The following LRP1B variants were observed in gnomAD, a reference collection of about 807,000 sequenced individuals.
LRP1B encodes low-density lipoprotein receptor-related protein 1B.
A neutral mutation model predicts 556.6 loss-of-function variants in LRP1B; 217 were observed. The observed-to-expected ratio is 0.39, with a 90% CI of 0.35 to 0.44. The LOEUF is 0.44. Ranked by LOEUF, LRP1B falls within the 20% of genes least tolerant of loss-of-function variation. The pLI is 1.00. For synonymous variants in LRP1B, 2,047 were observed against 1,865.8 expected (o/e 1.10, Z -2.50); for missense variants, 5,053 against 5,620.8 (o/e 0.90, Z 3.23).
chr2:141,037,958 C>T (rs1396484740), intron 11 of LRP1B, among the ~76,000 whole-genome samples: 3 of 151,592 alleles, frequency 2.0e-5, no homozygotes, highest in African/African-American at 7.3e-5. Context: ...AAAAGATCTA[C>T]CAGGCTCACA....
rs139325811 is a variant in LRP1B, at chr2:142,037,609, T to C, written c.82+93039A>G. On this transcript the variant is annotated intron_variant, in intron 1 of 90. Transcript: ENST00000389484. The stretch of plus-strand genomic sequence containing the variant: ...CTTACAATTAAAAGATGGGACAATC[T>C]GGTTCAGGGGAAATGTACTCTCTGA... 5.3e-5 allele frequency among the ~76,000 whole-genome samples: 8 copies of C among 151,724 alleles called. No homozygotes were observed. In the East Asian group the frequency reaches 1.6e-3, roughly 30 times the overall value.
chr2:141,016,043 C>T, intron 12 of LRP1B, 128 bp from the exon 13 acceptor site: 5 of 698,558 alleles, frequency 7.2e-6, no homozygotes, highest in Non-Finnish European at 1.2e-5. Context: ...TATCTAAGTG[C>T]TTATCTGTCA....
At chr2:141,035,787 C>T (rs2105422962) in intron 11 of LRP1B, among the ~76,000 whole-genome samples, 1 of 152,034 alleles carries the variant, frequency 6.6e-6, no homozygotes, top group African/African-American at 2.4e-5. Context: ...AAGTAGAAAA[C>T]ACTTAAATCT....
chr2:140,389,008 C>T (rs1199601044), intron 66 of LRP1B, among the ~76,000 whole-genome samples: 1 of 152,092 alleles, frequency 6.6e-6, no homozygotes, highest in Non-Finnish European at 1.5e-5. Flanking sequence ...ATATTACCTC[C>T]AGAGTAATTA....
intron 43 of LRP1B, among the ~76,000 whole-genome samples, chr2:140,549,846 T>C (rs1680480878): frequency 6.6e-6 from 1 of 152,020 alleles, no homozygotes; most frequent in Non-Finnish European, 1.5e-5. Flanking sequence ...GGCTGTAGTG[T>C]TGTGAGTTGT....
intron 57 of LRP1B, among the ~76,000 whole-genome samples, chr2:140,491,717 T>G (rs1031272947): frequency 2.0e-5 from 3 of 152,164 alleles, no homozygotes; most frequent in African/African-American, 7.2e-5. Context: ...CTTAAATAGT[T>G]GTTCATTCTT....
At chr2:141,574,243 ACCACGAT>A (rs905615161) in intron 2 of LRP1B, among the ~76,000 whole-genome samples, 1 of 152,174 alleles carries the variant, frequency 6.6e-6, no homozygotes, top group African/African-American at 2.4e-5. Context: ...AAACTTATCC[ACCACGAT>A]CAAATCAGCT....
At chr2:140,514,431 G>T (rs1262441691) in intron 51 of LRP1B, among the ~76,000 whole-genome samples, 2 of 151,854 alleles carry the variant, frequency 1.3e-5, no homozygotes. Context: ...TACATTTGTT[G>T]TGGCAATATT....
chr2:141,110,257 ATCTT>A (rs139007615), intron 7 of LRP1B, among the ~76,000 whole-genome samples: 9,030 of 152,224 alleles, frequency 0.059, 344 homozygotes, highest in South Asian at 0.11. Context: ...TTAATTTTAT[ATCTT>A]TCTAATTAAT....
chr2:141,370,904 C>T (rs147794573), intron 3 of LRP1B, among the ~76,000 whole-genome samples: 4 of 152,268 alleles, frequency 2.6e-5, no homozygotes, highest in Admixed American at 2.0e-4. Flanking sequence ...AAAACTGTAT[C>T]CTTTCCTCAG....
At chr2:141,382,959 AT>A (rs1245609246) in intron 3 of LRP1B, among the ~76,000 whole-genome samples, 1 of 152,238 alleles carries the variant, frequency 6.6e-6, no homozygotes, top group Admixed American at 6.5e-5. Context: ...AGAAAAAAAA[AT>A]ATTTGCAAAC....
At chr2:141,746,783 C>A (rs1353635454) in intron 2 of LRP1B, among the ~76,000 whole-genome samples, 4 of 151,964 alleles carry the variant, frequency 2.6e-5, no homozygotes, top group African/African-American at 9.7e-5. Flanking sequence ...AACTTAAAAG[C>A]CCAAAATAAG....
intron 3 of LRP1B, among the ~76,000 whole-genome samples, chr2:141,259,717 G>C (rs912574739): frequency 1.3e-5 from 2 of 152,154 alleles, no homozygotes; most frequent in Admixed American, 6.5e-5. Context: ...AAGGTTATTT[G>C]TTACATATGA....
chr2:140,583,994 A>G (rs969162864), intron 43 of LRP1B, among the ~76,000 whole-genome samples: 9 of 152,160 alleles, frequency 5.9e-5, no homozygotes, highest in Admixed American at 1.3e-4. Flanking sequence ...ACAATACCTG[A>G]GTTTTTATTG....
At chr2:141,025,163 A>G (rs1432903987) in intron 11 of LRP1B, among the ~76,000 whole-genome samples, 1 of 152,088 alleles carries the variant, frequency 6.6e-6, no homozygotes, top group African/African-American at 2.4e-5. Flanking sequence ...ATGAGCACAA[A>G]TAATAATGTC....
At chr2:140,897,771 C>T (rs1476921741) in intron 23 of LRP1B, among the ~76,000 whole-genome samples, 2 of 152,124 alleles carry the variant, frequency 1.3e-5, no homozygotes, top group African/African-American at 4.8e-5. Context: ...TGTACCTACA[C>T]CAGTGATTTG....
Position 140,514,799 on chromosome 2 carries a change from A to G in LRP1B, c.8150-27T>C, listed in dbSNP as rs1427216217. On this transcript the variant is annotated intron_variant, in intron 50 of 90. Transcript: ENST00000389484. Reference sequence around the variant, plus strand: ...TAGGAAACAAACAAAAGGAAAAAAAAAAATAGTTTGAGACCGTCTTACAAC... The same window carrying G: ...TAGGAAACAAACAAAAGGAAAAAAAGAAATAGTTTGAGACCGTCTTACAAC... The G allele has an allele frequency of 2.5e-6, 4 of 1,598,556 alleles. No individual in the cohort carries two copies. In the Admixed American group the frequency reaches 6.8e-5, roughly 27 times the overall value.
intron 39 of LRP1B, 65 bp downstream of exon 39, chr2:140,702,076 A>G (rs2105427677): frequency 2.6e-6 from 4 of 1,552,832 alleles, no homozygotes; most frequent in Non-Finnish European, 8.8e-7. Context: ...AAATCCTACA[A>G]GGGTAAAGCA....
chr2:141,695,585 C>A (rs1258584537), intron 2 of LRP1B, among the ~76,000 whole-genome samples: 1 of 151,888 alleles, frequency 6.6e-6, no homozygotes, highest in East Asian at 1.9e-4. Context: ...TGATTTGAAC[C>A]TGGTTTTCCT....
Sources: allele counts gnomAD v4.1 joint callset (sites outside exome capture counted in the v4.1 genomes callset), GRCh38; gene constraint gnomAD v4.1.1; transcripts MANE v1.5; gene names NCBI Gene and HGNC (gene_info 2026-07-23, HGNC 2026-07-21).